MAU2: variants seen among roughly 807,000 people sequenced by gnomAD.
MAU2 encodes the protein MAU2 chromatid cohesion factor homolog.
Under a neutral mutation model 89.1 loss-of-function variants are expected in MAU2, and 9 were observed. That is an observed-to-expected ratio of 0.10 (90% CI 0.06 to 0.18). MAU2 has a LOEUF of 0.18. Ranked by LOEUF, MAU2 falls within the 10% of genes least tolerant of loss-of-function variation. The probability of loss-of-function intolerance (pLI) is 1.00; values close to 1 mark genes in which losing one functional copy is unlikely to be tolerated. For synonymous variants in MAU2, 357 were observed against 343.4 expected (o/e 1.04, Z -0.44); for missense variants, 425 against 803.5 (o/e 0.53, Z 5.69).
chr19:19,336,336 T>C, intron 3 of MAU2, 149 bp downstream of exon 3: 2 of 615,124 alleles, frequency 3.3e-6, no homozygotes, highest in Non-Finnish European at 5.8e-6. Flanking sequence ...GGTCTCACTC[T>C]GTCGCCCAGG....
At chr19:19,347,020 T>G in intron 12 of MAU2, 1 of 445,298 alleles carries the variant, frequency 2.2e-6, no homozygotes, top group Non-Finnish European at 4.1e-6. Flanking sequence ...AAACCCGACA[T>G]GTTCTGAGGG....
Position 19,326,702 on chromosome 19 carries a change from G to A in MAU2, c.276+5567G>A, listed in dbSNP as rs79602322. Among the ~76,000 whole-genome samples the A allele has an allele frequency of 2.8e-4, 14 of 49,176 alleles. 1 individual carries two copies. Among genetic ancestry groups the A allele is most frequent in the Admixed American group, 9.3e-4 (4 of 4,320 alleles). The allele number at this position is 49,176 out of a possible 152,430, so 32.3% of individuals were successfully genotyped here. ...CTGTCTCAAAAAAAAATATATATATGTATATATATATATATATACATATAT... is the reference window on the plus strand; with the variant it reads ...CTGTCTCAAAAAAAAATATATATATATATATATATATATATATACATATAT... On this transcript the variant is annotated intron_variant, in intron 1 of 18. Coordinates refer to ENST00000262815, the MANE Select transcript of MAU2 (RefSeq NM_015329.4).
intron 9 of MAU2, 131 bp downstream of exon 9, chr19:19,342,997 C>T: frequency 1.8e-5 from 16 of 886,138 alleles, no homozygotes; most frequent in Non-Finnish European, 2.5e-5. Flanking sequence ...TGGTGGGTCT[C>T]GTCACCCCTA....
intron 1 of MAU2, among the ~76,000 whole-genome samples, chr19:19,327,357 G>A (rs942853002): frequency 1.1e-4 from 16 of 147,566 alleles, no homozygotes; most frequent in African/African-American, 1.3e-4. Context: ...ACAGAGTCTC[G>A]CTCTGTCGCC....
intron 1 of MAU2, among the ~76,000 whole-genome samples, chr19:19,327,499 A>G (rs867129281): frequency 4.0e-5 from 6 of 151,776 alleles, no homozygotes; most frequent in Middle Eastern, 3.4e-3. Flanking sequence ...CTAATTTTTT[A>G]TATTTTTAGT....
chr19:19,353,470 T>A (rs1416633786), intron 16 of MAU2: 1 of 152,228 alleles, frequency 6.6e-6, no homozygotes, highest in African/African-American at 2.4e-5. Flanking sequence ...GTAGAGTTGT[T>A]GGGCTTTGTG....
intron 1 of MAU2, chr19:19,329,195 T>C: frequency 2.2e-6 from 1 of 448,110 alleles, no homozygotes; most frequent in South Asian, 1.6e-5. Context: ...ATCACAACTG[T>C]GTCCTGCTAA....
At chr19:19,347,016 G>T in intron 12 of MAU2, 2 of 444,724 alleles carry the variant, frequency 4.5e-6, no homozygotes, top group South Asian at 2.9e-5. Context: ...ACCAAAACCC[G>T]ACATGTTCTG....
intron 1 of MAU2, among the ~76,000 whole-genome samples, chr19:19,328,395 T>G (rs2061528660): frequency 6.6e-6 from 1 of 151,856 alleles, no homozygotes; most frequent in Non-Finnish European, 1.5e-5. Context: ...ATCAAGAGAA[T>G]GTACCTGCAT....
chr19:19,339,942 G>A (rs2061627665), intron 5 of MAU2, among the ~76,000 whole-genome samples: 1 of 151,898 alleles, frequency 6.6e-6, no homozygotes, highest in African/African-American at 2.4e-5. Context: ...GCCAAGGTGG[G>A]CAGATCACGA....
Position 19,355,933 on chromosome 19 carries a change from C to T in MAU2, c.*151C>T. ...AATGTGCGGGGCCAGTCCCTGCCCTCCCAGGAGGGGTGGTAGCCGTTCCCA... is the reference window on the plus strand; with the variant it reads ...AATGTGCGGGGCCAGTCCCTGCCCTTCCAGGAGGGGTGGTAGCCGTTCCCA... On this transcript the variant is annotated 3_prime_UTR_variant, in exon 19 of 19. Transcript: ENST00000262815. 2 of 789,786 alleles carry T rather than the reference C, an allele frequency of 2.5e-6. No homozygotes were observed. Among genetic ancestry groups the T allele is most frequent in the Non-Finnish European group, 2.2e-6 (1 of 463,498 alleles). The allele number at this position is 789,786 out of a possible 1,614,324, so 48.9% of individuals were successfully genotyped here.
chr19:19,344,714 C>T, intron 10 of MAU2, 135 bp from the exon 11 acceptor site: 1 of 685,896 alleles, frequency 1.5e-6, no homozygotes, highest in Non-Finnish European at 2.6e-6. Flanking sequence ...GTGGACGTGT[C>T]TGCTGGGGCT....
intron 4 of MAU2, among the ~76,000 whole-genome samples, chr19:19,337,528 C>T (rs866438020): frequency 1.4e-4 from 21 of 152,214 alleles, no homozygotes; most frequent in Admixed American, 4.6e-4. Context: ...TTCCCCGGGG[C>T]CAACACTGAC....
chr19:19,354,051 G>T, intron 16 of MAU2: 1 of 440,442 alleles, frequency 2.3e-6, no homozygotes, highest in Non-Finnish European at 4.2e-6. Context: ...TGGGTCTAGG[G>T]CTAACGGCCA....
chr19:19,344,972 C>A, intron 11 of MAU2, 46 bp downstream of exon 11: 1 of 1,561,230 alleles, frequency 6.4e-7, no homozygotes, highest in Non-Finnish European at 8.8e-7. Flanking sequence ...AGAATGTTCT[C>A]AGTAAGTAAG....
intron 1 of MAU2, 150 bp from the exon 2 acceptor site, chr19:19,335,568 A>T: frequency 1.4e-6 from 1 of 725,672 alleles, no homozygotes; most frequent in Non-Finnish European, 2.4e-6. Flanking sequence ...GAGTAAGCCT[A>T]CCCTCTCAGG....
intron 16 of MAU2, among the ~76,000 whole-genome samples, chr19:19,350,716 C>T (rs1430585259): frequency 5.3e-5 from 8 of 151,630 alleles, no homozygotes; most frequent in Middle Eastern, 3.4e-3. Flanking sequence ...CTGGCTAACA[C>T]GGTGAAACCC....
Position 19,326,547 on chromosome 19 carries a change from G to A in MAU2, c.276+5412G>A, listed in dbSNP as rs911314761. ...TAAAAAATACAAAAATTAGCCAGGCGTGGTGGCGGGCGCCTGTAGTCCCAG... is the reference window on the plus strand; with the variant it reads ...TAAAAAATACAAAAATTAGCCAGGCATGGTGGCGGGCGCCTGTAGTCCCAG... On this transcript the variant is annotated intron_variant, in intron 1 of 18. Coordinates refer to ENST00000262815, the MANE Select transcript of MAU2 (RefSeq NM_015329.4). 1.1e-4 allele frequency among the ~76,000 whole-genome samples: 16 copies of A among 151,414 alleles called. No homozygotes were observed. In the South Asian group the frequency reaches 1.9e-3, roughly 18 times the overall value.
At chr19:19,335,876 C>A in intron 2 of MAU2, 141 bp downstream of exon 2, 1 of 975,742 alleles carries the variant, frequency 1.0e-6, no homozygotes, top group Non-Finnish European at 1.6e-6. Flanking sequence ...TGTCCCCCAC[C>A]TGGCCCTCTG....
Sources: allele counts gnomAD v4.1 joint callset (sites outside exome capture counted in the v4.1 genomes callset), GRCh38; gene constraint gnomAD v4.1.1; transcripts MANE v1.5; gene names NCBI Gene and HGNC (gene_info 2026-07-23, HGNC 2026-07-21).